Variants in DMXL2 observed in about 807,000 individuals in gnomAD.
The protein encoded by DMXL2 is Dmx like 2, also known as dmX-like protein 2.
In DMXL2, 103 loss-of-function variants were observed where a neutral mutation model predicts 331.1. That is an observed-to-expected ratio of 0.31 (90% CI 0.27 to 0.37). DMXL2 has a LOEUF of 0.37. DMXL2 is among the 10% of genes least tolerant of loss of function. The pLI is 1.00. For missense variants in DMXL2, 3,171 were observed against 3,642.9 expected, an observed-to-expected ratio of 0.87 and a Z score of 3.33; for synonymous variants, 1,281 against 1,252.1, an observed-to-expected ratio of 1.02 and a Z score of -0.49.
At chr15:51,622,334 G>C (rs1419506165) in intron 1 of DMXL2, 125 bp downstream of exon 1, 4 of 1,293,654 alleles carry the variant, frequency 3.1e-6, no homozygotes, top group Admixed American at 4.9e-5. Flanking sequence ...GGCTGCAAAG[G>C]GGCCACGGGT....
chr15:51,592,623 A>C (rs1288805282), intron 1 of DMXL2, among the ~76,000 whole-genome samples: 2 of 152,220 alleles, frequency 1.3e-5, no homozygotes, highest in African/African-American at 4.8e-5. Context: ...TGTCTGATTA[A>C]CCAAAGTTGA....
chr15:51,488,325 A>AT lies in DMXL2; in HGVS notation c.5052-207dup, dbSNP rs1401517034. On this transcript the variant is annotated intron_variant, in intron 21 of 43. Transcript: ENST00000560891. ...TATGTATACATAAATAGGAAACAGC[A>AT]TTTTTTACTTTGCAAAGTGCTTTTA... Among the ~76,000 whole-genome samples, 3 of 152,308 alleles carry AT rather than the reference A, an allele frequency of 2.0e-5. No homozygotes were observed. In the East Asian group the frequency reaches 5.8e-4, roughly 29 times the overall value.
chr15:51,575,305 C>T (rs1430620091), intron 2 of DMXL2, among the ~76,000 whole-genome samples: 1 of 151,842 alleles, frequency 6.6e-6, no homozygotes, highest in Non-Finnish European at 1.5e-5. Flanking sequence ...AATTTGTTAC[C>T]CAATAAATAA....
At chr15:51,607,404 C>T (rs962563909) in intron 1 of DMXL2, among the ~76,000 whole-genome samples, 6 of 151,626 alleles carry the variant, frequency 4.0e-5, no homozygotes, top group Non-Finnish European at 7.4e-5. Context: ...TGCAGTGAGC[C>T]GAGACCGCAC....
At chr15:51,554,871 C>A (rs909362046) in intron 6 of DMXL2, among the ~76,000 whole-genome samples, 1 of 152,152 alleles carries the variant, frequency 6.6e-6, no homozygotes, top group Non-Finnish European at 1.5e-5. Flanking sequence ...AAAAAGATCA[C>A]TCCAGGCCAG....
At chr15:51,575,050 A>G (rs756662363) in intron 2 of DMXL2, among the ~76,000 whole-genome samples, 6 of 152,012 alleles carry the variant, frequency 3.9e-5, no homozygotes, top group Non-Finnish European at 7.4e-5. Context: ...ACCTGGGGGG[A>G]AAAATTAGAA....
intron 18 of DMXL2, 80 bp downstream of exon 18, chr15:51,498,472 T>A: frequency 1.4e-6 from 2 of 1,398,146 alleles, no homozygotes. Flanking sequence ...AGACTGCAAT[T>A]CAGTAAATGA....
chr15:51,598,234 T>C lies in DMXL2; in HGVS notation c.88-22053A>G, dbSNP rs545755348. On this transcript the variant is annotated intron_variant, in intron 1 of 43. Transcript: ENST00000560891. ...TGTAAATTTATACAGTTATACAAAG[T>C]TATAAAAAGTTCCTGTATACCACAT... 8.7e-4 allele frequency among the ~76,000 whole-genome samples: 132 copies of C among 152,300 alleles called. 2 individuals carry two copies. The highest frequency in any genetic ancestry group is 1.6e-3 in the Non-Finnish European group (109 of 68,004).
rs533282277 is a variant in DMXL2, at chr15:51,448,886, C to T, written c.*98G>A. 3.4e-4 allele frequency: 408 copies of T among 1,216,184 alleles called. 6 individuals are homozygous for T. In the South Asian group the frequency reaches 5.5e-3, roughly 16 times the overall value. The allele number at this position is 1,216,184 out of a possible 1,614,324, so 75.3% of individuals were successfully genotyped here. A position where few individuals can be genotyped will look rare whatever the true frequency, so the allele number is the denominator to read the frequency against. The stretch of plus-strand genomic sequence containing the variant: ...CATATTCAAATTCTACACAGAGATT[C>T]TCTGTTTTCAATACAACTGCTTAGA... On this transcript the variant is annotated 3_prime_UTR_variant, in exon 44 of 44. Transcript: ENST00000560891.
Position 51,499,074 on chromosome 15 carries a change from C to A in DMXL2, c.4150G>T (p.Asp1384Tyr). The A allele has an allele frequency of 6.2e-7, 1 of 1,614,008 alleles. No homozygotes were observed. ...CIAGEVAIVR[D>Y]PDAGEGTKRH... ...TTAGTTCCTTCTCCAGCATCAGGAT[C>A]TCTAACTATTGCTACTTCACCTGCA... Residue 1384 changes from aspartate to tyrosine, a missense_variant, in exon 18 of 44, where the codon GAT becomes TAT. Physicochemically the swap from Asp to Tyr is radical, Grantham distance 160. Around this residue, in one of 7 missense-constraint regions of DMXL2, gnomAD observed 1,674 missense variants for 1,780.2 expected, o/e 0.94. Transcript: ENST00000560891.
chr15:51,606,131 T>C lies in DMXL2; in HGVS notation c.87+16328A>G, dbSNP rs76709761. Among the ~76,000 whole-genome samples, 1,451 of 152,240 alleles carry C rather than the reference T, an allele frequency of 9.5e-3. 19 individuals carry two copies. The highest frequency in any genetic ancestry group is 0.033 in the African/African-American group (1,381 of 41,518). On this transcript the variant is annotated intron_variant, in intron 1 of 43. Transcript: ENST00000560891. The stretch of plus-strand genomic sequence containing the variant: ...AACTACCCAACACTTTAAACTGAAA[T>C]CTTGAAGATTAATCCACATAACATT...
intron 1 of DMXL2, among the ~76,000 whole-genome samples, chr15:51,595,767 A>G (rs1397079253): frequency 3.3e-5 from 5 of 152,244 alleles, no homozygotes; most frequent in Non-Finnish European, 7.3e-5. Context: ...ATAATGCCAC[A>G]TATCTACAAC....
intron 8 of DMXL2, among the ~76,000 whole-genome samples, chr15:51,542,708 G>A (rs1789442452): frequency 6.6e-6 from 1 of 151,978 alleles, no homozygotes; most frequent in Non-Finnish European, 1.5e-5. Flanking sequence ...AAGGCAAAAA[G>A]CAGTGTGCAA....
intron 1 of DMXL2, among the ~76,000 whole-genome samples, chr15:51,597,086 A>G (rs1567168735): frequency 6.6e-6 from 1 of 152,166 alleles, no homozygotes; most frequent in Non-Finnish European, 1.5e-5. Flanking sequence ...ATAATAAAAA[A>G]GCAGACAAAC....
chr15:51,491,134 C>T (rs2042764884), intron 20 of DMXL2, among the ~76,000 whole-genome samples: 1 of 152,002 alleles, frequency 6.6e-6, no homozygotes, highest in Admixed American at 6.6e-5. Context: ...TTGTAATCTC[C>T]AAAAAACTTT....
intron 6 of DMXL2, among the ~76,000 whole-genome samples, chr15:51,554,827 A>G (rs2049450412): frequency 6.6e-6 from 1 of 152,174 alleles, no homozygotes; most frequent in Admixed American, 6.5e-5. Flanking sequence ...ACGGTTTTGT[A>G]CAAAAGAAGA....
chr15:51,606,794 A>G (rs570393992), intron 1 of DMXL2, among the ~76,000 whole-genome samples: 1 of 152,344 alleles, frequency 6.6e-6, no homozygotes, highest in Non-Finnish European at 1.5e-5. Flanking sequence ...CAAATTAGAC[A>G]TGGCTGAATA....
chr15:51,498,124 C>G (rs1045395538), intron 18 of DMXL2, among the ~76,000 whole-genome samples: 1 of 152,024 alleles, frequency 6.6e-6, no homozygotes, highest in Non-Finnish European at 1.5e-5. Flanking sequence ...CCTGTGGTCC[C>G]GGCTATTCAG....
intron 42 of DMXL2, 138 bp downstream of exon 42, chr15:51,451,507 A>G: frequency 1.3e-5 from 9 of 673,564 alleles, no homozygotes; most frequent in Non-Finnish European, 2.0e-5. Context: ...ATTTTTAGTC[A>G]TTCATTCTAA....
Sources: allele counts gnomAD v4.1 joint callset (sites outside exome capture counted in the v4.1 genomes callset), GRCh38; gene constraint gnomAD v4.1.1; regional missense constraint gnomAD v4.1.1; transcripts MANE v1.5; gene names NCBI Gene and HGNC (gene_info 2026-07-23, HGNC 2026-07-21).